Variants in ADCY2 observed in about 807,000 individuals in gnomAD.
ADCY2 encodes adenylate cyclase 2.
Under a neutral mutation model 125.2 loss-of-function variants are expected in ADCY2, and 31 were observed. The observed-to-expected ratio is 0.25, with a 90% CI of 0.19 to 0.33. The LOEUF is 0.33. Among genes scored for constraint, ADCY2 ranks in the 10% least tolerant of loss-of-function variants. The pLI is 1.00. For missense variants in ADCY2, 904 were observed against 1,418.2 expected (o/e 0.64, Z 5.82); for synonymous variants, 512 against 548.4 (o/e 0.93, Z 0.93).
At chr5:7,577,953 G>A (rs11744004) in intron 3 of ADCY2, among the ~76,000 whole-genome samples, 426 of 152,240 alleles carry the variant, frequency 2.8e-3, no homozygotes, top group Non-Finnish European at 3.9e-3. Flanking sequence ...TCTTGGCTTC[G>A]TCTTAACCCT....
At chr5:7,536,578 A>G (rs1235286925) in intron 3 of ADCY2, among the ~76,000 whole-genome samples, 1 of 152,220 alleles carries the variant, frequency 6.6e-6, no homozygotes, top group African/African-American at 2.4e-5. Context: ...ACCTCAATAT[A>G]TCATTGCAAA....
intron 3 of ADCY2, among the ~76,000 whole-genome samples, chr5:7,577,046 A>G (rs1254122247): frequency 1.3e-5 from 2 of 152,142 alleles, no homozygotes. Context: ...TTCCTCCCTG[A>G]TTTGCCCTGA....
At chr5:7,441,567 G>A (rs907157526) in intron 2 of ADCY2, among the ~76,000 whole-genome samples, 52 of 152,086 alleles carry the variant, frequency 3.4e-4, no homozygotes, top group Non-Finnish European at 5.9e-5. Flanking sequence ...AGTGGTTGCT[G>A]TTTTCCAAGG....
chr5:7,447,078 GCTGT>G (rs988611801), intron 2 of ADCY2, among the ~76,000 whole-genome samples: 2 of 151,902 alleles, frequency 1.3e-5, no homozygotes, highest in Non-Finnish European at 1.5e-5. Context: ...TCACAGTTAC[GCTGT>G]CTGTCATCAC....
intron 3 of ADCY2, among the ~76,000 whole-genome samples, chr5:7,529,907 T>G (rs1465437061): frequency 6.6e-6 from 1 of 152,234 alleles, no homozygotes; most frequent in East Asian, 1.9e-4. Context: ...TGCTAGTTGT[T>G]GGACTTGCAT....
chr5:7,559,909 G>A (rs1336445357), intron 3 of ADCY2, among the ~76,000 whole-genome samples: 1 of 152,202 alleles, frequency 6.6e-6, no homozygotes, highest in Admixed American at 6.5e-5. Context: ...TACCTGGAAA[G>A]AGTAGTGAGT....
chr5:7,666,030 G>A (rs568482731), intron 4 of ADCY2, among the ~76,000 whole-genome samples: 8 of 150,868 alleles, frequency 5.3e-5, no homozygotes, highest in South Asian at 2.1e-4. Context: ...AGTAGAGACA[G>A]GGTTTCACCA....
At chr5:7,634,962 A>G (rs1377345364) in intron 4 of ADCY2, among the ~76,000 whole-genome samples, 1 of 152,166 alleles carries the variant, frequency 6.6e-6, no homozygotes, top group Non-Finnish European at 1.5e-5. Flanking sequence ...CTAGGTTGAA[A>G]TATGAATTGC....
intron 2 of ADCY2, among the ~76,000 whole-genome samples, chr5:7,474,678 G>A (rs974754622): frequency 6.6e-6 from 1 of 152,246 alleles, no homozygotes; most frequent in Non-Finnish European, 1.5e-5. Flanking sequence ...GACAGGGGCG[G>A]CAGAGCCAGG....
intron 2 of ADCY2, among the ~76,000 whole-genome samples, chr5:7,460,037 C>T (rs1002219253): frequency 5.9e-5 from 9 of 151,934 alleles, no homozygotes; most frequent in African/African-American, 1.7e-4. Context: ...CCACCTGTCT[C>T]AGCCTCCCAA....
chr5:7,540,981 G>A lies in ADCY2; in HGVS notation c.570+20082G>A, dbSNP rs369630421. On this transcript the variant is annotated intron_variant, in intron 3 of 24. Transcript: ENST00000338316. ...AGGTTTCACTCTCTCAGCTGAGAAC[G>A]TTCTCCTAATGCTGTGCTTCCCATA... 2.6e-4 allele frequency among the ~76,000 whole-genome samples: 40 copies of A among 152,258 alleles called. No homozygotes were observed. In the South Asian group the frequency reaches 6.0e-3, roughly 23 times the overall value.
intron 2 of ADCY2, among the ~76,000 whole-genome samples, chr5:7,500,717 A>G (rs764288149): frequency 3.4e-4 from 51 of 152,228 alleles, no homozygotes; most frequent in Non-Finnish European, 5.3e-4. Context: ...TGATCCGGAA[A>G]CATGAGGACT....
At chr5:7,439,674 G>A (rs552413135) in intron 2 of ADCY2, among the ~76,000 whole-genome samples, 94 of 152,246 alleles carry the variant, frequency 6.2e-4, no homozygotes, top group South Asian at 1.0e-3. Flanking sequence ...ATGGAATAAT[G>A]GTAACTACTA....
chr5:7,468,098 G>A (rs912483279), intron 2 of ADCY2, among the ~76,000 whole-genome samples: 3 of 152,136 alleles, frequency 2.0e-5, no homozygotes, highest in African/African-American at 7.2e-5. Flanking sequence ...GTCCTTCAGG[G>A]GAAGAATTTT....
At chr5:7,718,370 G>A (rs1034593129) in intron 12 of ADCY2, among the ~76,000 whole-genome samples, 2 of 151,804 alleles carry the variant, frequency 1.3e-5, no homozygotes, top group African/African-American at 2.4e-5. Flanking sequence ...GGATGGTCTC[G>A]ATCTCTTGAC....
intron 3 of ADCY2, among the ~76,000 whole-genome samples, chr5:7,532,595 T>A (rs1416800181): frequency 6.6e-6 from 1 of 152,196 alleles, no homozygotes; most frequent in Non-Finnish European, 1.5e-5. Flanking sequence ...TTAGGTTAAT[T>A]AAGTGTTATA....
intron 1 of ADCY2, among the ~76,000 whole-genome samples, chr5:7,405,645 G>T (rs1316771161): frequency 1.3e-5 from 2 of 152,196 alleles, no homozygotes; most frequent in African/African-American, 4.8e-5. Context: ...CTTGTGCCAT[G>T]CACCTGCCAT....
chr5:7,818,032 C>G (rs556014403), intron 23 of ADCY2, among the ~76,000 whole-genome samples: 1 of 152,106 alleles, frequency 6.6e-6, no homozygotes, highest in Non-Finnish European at 1.5e-5. Flanking sequence ...CAGTTACTTG[C>G]AACCATTCAG....
At chr5:7,732,332 T>G (rs1008393495) in intron 14 of ADCY2, among the ~76,000 whole-genome samples, 3 of 152,242 alleles carry the variant, frequency 2.0e-5, no homozygotes, top group Non-Finnish European at 4.4e-5. Flanking sequence ...TCTTGTTTCT[T>G]GGCGGGACAG....
Sources: gnomAD v4.1 joint callset for allele counts (sites outside exome capture counted in the v4.1 genomes callset) on GRCh38, gnomAD v4.1.1 for gene constraint, MANE v1.5 for transcripts, NCBI Gene and HGNC (gene_info 2026-07-23, HGNC 2026-07-21) for gene names.